The following SLC22A2 variants were observed in gnomAD, a reference collection of about 807,000 sequenced individuals.
SLC22A2 encodes solute carrier family 22 member 2.
In SLC22A2, 46 loss-of-function variants were observed where a neutral mutation model predicts 60.5. The observed-to-expected ratio is 0.76, with a 90% confidence interval of 0.60 to 0.97. The LOEUF (loss-of-function observed/expected upper bound fraction) is 0.97, where lower values mean the gene tolerates loss of function less well. SLC22A2 is among the 50% of genes least tolerant of loss of function. SLC22A2 has a pLI of 0.00. For synonymous variants in SLC22A2, 303 were observed against 267.0 expected, an observed-to-expected ratio of 1.13 and a Z score of -1.31; for missense variants, 701 against 706.6, an observed-to-expected ratio of 0.99 and a Z score of 0.09.
At chr6:160,230,002 C>T (rs980607668) in intron 9 of SLC22A2, among the ~76,000 whole-genome samples, 1 of 151,794 alleles carries the variant, frequency 6.6e-6, no homozygotes, top group Admixed American at 6.5e-5. Context: ...AGTCTCTGTT[C>T]CCAATGCAAC....
rs1020461525 is a variant in SLC22A2 at position 160,258,790 on chromosome 6, G to A, written c.-33C>T. On this transcript the variant is annotated 5_prime_UTR_variant, in exon 1 of 11. Coordinates refer to ENST00000366953, the MANE Select transcript of SLC22A2 (RefSeq NM_003058.4). ...CAGGCAGGAGGGCCCGAGGCTGCCC[G>A]ACGTGCCCGGAGCGAGGCTGAGAGC... 18 of 1,511,244 alleles carry A rather than the reference G, an allele frequency of 1.2e-5. No individual in the cohort carries two copies. Among genetic ancestry groups the A allele is most frequent in the Non-Finnish European group, 1.4e-5 (16 of 1,130,744 alleles). The allele number at this position is 1,511,244 out of a possible 1,614,324, so 93.6% of individuals were successfully genotyped here. A position where few individuals can be genotyped will look rare whatever the true frequency, so the allele number is the denominator to read the frequency against.
intron 9 of SLC22A2, among the ~76,000 whole-genome samples, chr6:160,235,612 T>C (rs1241940094): frequency 6.9e-6 from 1 of 144,122 alleles, no homozygotes; most frequent in Non-Finnish European, 1.5e-5. Context: ...TGTGAATATA[T>C]TGGCTAAAGT....
intron 5 of SLC22A2, among the ~76,000 whole-genome samples, chr6:160,246,487 C>T (rs1783096567): frequency 6.6e-6 from 1 of 152,112 alleles, no homozygotes; most frequent in Non-Finnish European, 1.5e-5. Context: ...TGGCTCATGC[C>T]TGTAATCCCA....
chr6:160,240,037 T>C lies in SLC22A2; in HGVS notation c.1501+1437A>G, dbSNP rs537626816. On this transcript the variant is annotated intron_variant, in intron 9 of 10. Coordinates refer to ENST00000366953, the MANE Select transcript of SLC22A2 (RefSeq NM_003058.4). ...TGGGAGCTTCCCCTGATAACGGAAATGAGTGACTGAGGAAAATGTCCCAGT... is the reference window on the plus strand; with the variant it reads ...TGGGAGCTTCCCCTGATAACGGAAACGAGTGACTGAGGAAAATGTCCCAGT... Among the ~76,000 whole-genome samples the C allele has an allele frequency of 2.4e-4, 37 of 152,214 alleles. No individual in the cohort carries two copies. The South Asian group carries it at 4.8e-3, about 20-fold the overall frequency.
intron 5 of SLC22A2, among the ~76,000 whole-genome samples, chr6:160,246,068 A>G (rs1273911932): frequency 6.6e-6 from 1 of 151,872 alleles, no homozygotes; most frequent in Admixed American, 6.6e-5. Context: ...GGGTTTCACC[A>G]TGTTGGCCAG....
rs1489388263 is a variant in SLC22A2 at position 160,224,744 on chromosome 6, G to C, written c.1562C>G (p.Ala521Gly). The change falls in exon 10 of 11, where the codon GCT (alanine) becomes GGT (glycine). Residue 521 changes from alanine (A) to glycine (G), a missense_variant. Transcript: ENST00000366953. ...GGCTTCCTCGATGGTCTCAGGCAAA[G>C]CTTTCCCTTTAGTTTCTGGAAGCAA... The part of the protein sequence containing the change: ...VLLLPETKGK[A>G]LPETIEEAEN... The C allele has an allele frequency of 1.2e-6, 2 of 1,606,840 alleles. No homozygotes were observed. The highest frequency in any genetic ancestry group is 1.7e-6 in the Non-Finnish European group (2 of 1,175,888).
intron 9 of SLC22A2, 105 bp from the exon 10 acceptor site, chr6:160,224,909 A>G (rs1782699811): frequency 7.2e-6 from 4 of 556,918 alleles, no homozygotes; most frequent in Admixed American, 3.5e-5. Context: ...GCATTTTTCT[A>G]TACTTATTTA....
In SLC22A2 at chr6:160,235,366, C is replaced by A. The variant is rs148459415; in HGVS notation, c.1501+6108G>T. Among the ~76,000 whole-genome samples the A allele has an allele frequency of 2.1e-3, 311 of 150,530 alleles. 2 individuals carry two copies. The highest frequency in any genetic ancestry group is 7.1e-3 in the African/African-American group (292 of 40,930). On this transcript the variant is annotated intron_variant, in intron 9 of 10. Coordinates refer to ENST00000366953, the MANE Select transcript of SLC22A2 (RefSeq NM_003058.4). ...TACATCAGAAAAGCATGCTCTTGGC[C>A]ACCTAGAAGTTATGAAAATGTCCCC...
At chr6:160,240,557 T>A (rs1223571860) in intron 9 of SLC22A2, among the ~76,000 whole-genome samples, 1 of 152,216 alleles carries the variant, frequency 6.6e-6, no homozygotes, top group Admixed American at 6.5e-5. Flanking sequence ...AACTGAGGCA[T>A]GATGTATAAT....
chr6:160,240,819 T>C lies in SLC22A2; in HGVS notation c.1501+655A>G, dbSNP rs186745924. ...GAATGGGTGTCAAAGGAGCCTGAAA[T>C]GGGTGCATTGAGGTGTTCCAGTTAA... On this transcript the variant is annotated intron_variant, in intron 9 of 10. Transcript: ENST00000366953. Among the ~76,000 whole-genome samples the C allele has an allele frequency of 1.8e-3, 272 of 152,174 alleles. 1 individual carries two copies. Among genetic ancestry groups the C allele is most frequent in the African/African-American group, 6.3e-3 (260 of 41,536 alleles).
intron 9 of SLC22A2, among the ~76,000 whole-genome samples, chr6:160,232,404 A>G (rs1363692860): frequency 1.3e-5 from 2 of 151,774 alleles, no homozygotes; most frequent in African/African-American, 2.4e-5. Flanking sequence ...GCCCCCCACT[A>G]TCTCTCAGCA....
At chr6:160,224,033 G>T (rs1389341967) in intron 10 of SLC22A2, among the ~76,000 whole-genome samples, 3 of 152,104 alleles carry the variant, frequency 2.0e-5, no homozygotes, top group Non-Finnish European at 4.4e-5. Context: ...CCCAGCCCAT[G>T]TTTGTAATTT....
At chr6:160,231,757 C>T (rs947514820) in intron 9 of SLC22A2, among the ~76,000 whole-genome samples, 1 of 151,810 alleles carries the variant, frequency 6.6e-6, no homozygotes, top group East Asian at 1.9e-4. Flanking sequence ...TAGCTGACCC[C>T]ATAAATCCTA....
intron 9 of SLC22A2, among the ~76,000 whole-genome samples, chr6:160,227,235 T>G (rs515140): frequency 0.72 from 109,434 of 152,028 alleles, 40,569 homozygotes; most frequent in Admixed American, 0.83. Flanking sequence ...GCCATTGATT[T>G]TCTCAAAGGG....
chr6:160,239,309 C>T (rs1782962412), intron 9 of SLC22A2, among the ~76,000 whole-genome samples: 1 of 152,152 alleles, frequency 6.6e-6, no homozygotes, highest in Admixed American at 6.6e-5. Flanking sequence ...ATAATCCACT[C>T]CTTGTTTAGC....
At chr6:160,235,862 G>A (rs1219521103) in intron 9 of SLC22A2, among the ~76,000 whole-genome samples, 1 of 152,116 alleles carries the variant, frequency 6.6e-6, no homozygotes, top group Non-Finnish European at 1.5e-5. Context: ...AAGTCATACA[G>A]GAAGCATTGT....
chr6:160,254,630 G>A (rs1310590066), intron 2 of SLC22A2, among the ~76,000 whole-genome samples: 1 of 152,156 alleles, frequency 6.6e-6, no homozygotes, highest in African/African-American at 2.4e-5. Flanking sequence ...CTTTAGGCTA[G>A]GCTTCTCACT....
chr6:160,258,531 G>T lies in SLC22A2; in HGVS notation c.227C>A (p.Pro76Gln). 6.2e-7 allele frequency: 1 copy of T among 1,614,080 alleles called. No individual in the cohort carries two copies. The highest frequency in any genetic ancestry group is 8.5e-7 in the Non-Finnish European group (1 of 1,179,994). ...GGCTTCGCCCGCAGGTCCTGGGCCC[G>T]GCACCGTGTAGTTCAGTTCCTCTGC... ...SPAEELNYTV[P>Q]GPGPAGEASP... Residue 76 changes from proline (P) to glutamine (Q), a missense_variant, in exon 1 of 11, where the codon CCG becomes CAG. Pro to Gln is a moderately conservative substitution (Grantham distance 76). Coordinates refer to ENST00000366953, the MANE Select transcript of SLC22A2 (RefSeq NM_003058.4).
At chr6:160,220,890 T>A (rs1038079614) in intron 10 of SLC22A2, among the ~76,000 whole-genome samples, 1 of 152,164 alleles carries the variant, frequency 6.6e-6, no homozygotes, top group Non-Finnish European at 1.5e-5. Context: ...GGCTTTGCTA[T>A]TCCATGAGCA....
Sources: gnomAD v4.1 joint callset for allele counts (sites outside exome capture counted in the v4.1 genomes callset) on GRCh38, gnomAD v4.1.1 for gene constraint, MANE v1.5 for transcripts, NCBI Gene and HGNC (gene_info 2026-07-23, HGNC 2026-07-21) for gene names.